ATP2A3: variants seen among roughly 807,000 people sequenced by gnomAD.
ATP2A3 encodes the protein ATPase sarcoplasmic/endoplasmic reticulum Ca2+ transporting 3, also known as sarcoplasmic/endoplasmic reticulum calcium ATPase 3.
A neutral mutation model predicts 106.8 loss-of-function variants in ATP2A3; 61 were observed. The ratio of observed to expected loss-of-function variants is 0.57; its 90% confidence interval spans 0.46 to 0.71. The LOEUF is 0.71. ATP2A3 is among the 30% of genes least tolerant of loss of function. ATP2A3 has a pLI of 0.00. For missense variants in ATP2A3, 1,201 were observed against 1,423.5 expected (o/e 0.84, Z 2.52); for synonymous variants, 611 against 609.3 (o/e 1.00, Z -0.04).
intron 10 of ATP2A3, among the ~76,000 whole-genome samples, chr17:3,943,850 T>G (rs1250495136): frequency 6.6e-6 from 1 of 152,090 alleles, no homozygotes; most frequent in African/African-American, 2.4e-5. Flanking sequence ...TGGGGCCCTT[T>G]GCTGAGCCCC....
intron 1 of ATP2A3, among the ~76,000 whole-genome samples, chr17:3,959,468 G>A (rs982104804): frequency 3.9e-5 from 6 of 152,198 alleles, no homozygotes; most frequent in African/African-American, 1.2e-4. Flanking sequence ...CCAGGGCCCT[G>A]AGCCCACAGT....
At position 3,941,429 on chromosome 17, in the gene ATP2A3, C is replaced by T. The variant is rs773569231; in HGVS notation, c.1764+7G>A. On this transcript the variant is annotated splice_region_variant and intron_variant, in intron 13 of 20. Transcript: ENST00000397041. Reference sequence around the variant, plus strand: ...GTACTGCAGGGAGAATCGGCTCCTGCACCCACCTCGTACTGCACAAACTTG... The same window carrying T: ...GTACTGCAGGGAGAATCGGCTCCTGTACCCACCTCGTACTGCACAAACTTG... The T allele has an allele frequency of 1.9e-6, 3 of 1,613,942 alleles. No homozygotes were observed. The African/African-American group carries it at 4.0e-5, about 22-fold the overall frequency.
chr17:3,932,363 C>T (rs2053155917), intron 17 of ATP2A3, among the ~76,000 whole-genome samples: 1 of 151,968 alleles, frequency 6.6e-6, no homozygotes, highest in South Asian at 2.1e-4. Context: ...AGGCTGGTCT[C>T]GATCTCCTGA....
At chr17:3,945,997 C>T (rs867670516) in intron 8 of ATP2A3, among the ~76,000 whole-genome samples, 2 of 152,350 alleles carry the variant, frequency 1.3e-5, no homozygotes, top group Middle Eastern at 3.4e-3. Flanking sequence ...CCTGTAATCC[C>T]AGCACTTTGG....
Position 3,925,274 on chromosome 17 carries a change from G to A in ATP2A3, c.*148C>T. Reference sequence around the variant, plus strand: ...AGACCCCAGGACGGGGCCCGGGGATGGCCATTCTGACCTCGGGCCTGTCAT... The same window carrying A: ...AGACCCCAGGACGGGGCCCGGGGATAGCCATTCTGACCTCGGGCCTGTCAT... On this transcript the variant is annotated 3_prime_UTR_variant, in exon 21 of 21. Transcript: ENST00000397041. This position sits in a 1 kb window ranked among gnomAD's most constrained non-coding sequence, Gnocchi z 4.2. 7.4e-7 allele frequency: 1 copy of A among 1,354,442 alleles called. No homozygotes were observed. The highest frequency in any genetic ancestry group is 1.9e-5 in the Admixed American group (1 of 52,562). 83.9% of individuals were successfully genotyped at this position (1,354,442 alleles called of 1,614,324 possible).
In ATP2A3 at chr17:3,947,301, C is replaced by T. The variant is rs2054166000; in HGVS notation, c.1095+90G>A. ...CAGCCCACAGATTCTCTCCTCCATC[C>T]CTCACTGAAAAGGAGGTGGGGGAGA... On this transcript the variant is annotated intron_variant, in intron 8 of 20. Transcript: ENST00000397041. The surrounding 1 kb of genome is among the most constrained non-coding windows in gnomAD (Gnocchi z 7.7). The T allele has an allele frequency of 6.8e-7, 1 of 1,461,910 alleles. No individual in the cohort carries two copies. The highest frequency in any genetic ancestry group is 9.5e-7 in the Non-Finnish European group (1 of 1,052,916). The allele number at this position is 1,461,910 out of a possible 1,614,324, so 90.6% of individuals were successfully genotyped here.
intron 17 of ATP2A3, among the ~76,000 whole-genome samples, chr17:3,933,004 G>A (rs1213358599): frequency 1.1e-4 from 17 of 151,764 alleles, no homozygotes; most frequent in East Asian, 1.9e-4. Flanking sequence ...TGTTTCGGCC[G>A]GGCACGGTGG....
At chr17:3,942,561 T>A (rs759289838) in intron 12 of ATP2A3, 45 bp downstream of exon 12, 11 of 1,598,002 alleles carry the variant, frequency 6.9e-6, no homozygotes. Flanking sequence ...ATGACCAGGT[T>A]CCCCAGGGCG....
rs2055306114 is a variant in ATP2A3, at chr17:3,964,184, G to A, written c.108C>T (p.Tyr36=). 2 of 1,232,792 alleles carry A rather than the reference G, an allele frequency of 1.6e-6. No homozygotes were observed. Among genetic ancestry groups the A allele is most frequent in the Non-Finnish European group, 2.0e-6 (2 of 977,340 alleles). 76.4% of individuals were successfully genotyped at this position (1,232,792 alleles called of 1,614,324 possible). ...GGCCCGCGCGCTCACCGTTGGGGCC[G>A]TAGCGCTCCCGCGCGCCGGTCACCT... The part of the protein sequence containing the change: ...PAQVTGARER[Y]GPNELPSEEG... Residue 36 remains tyrosine, a synonymous_variant, in exon 1 of 21, where the codon TAC becomes TAT. Transcript: ENST00000397041.
Position 3,956,038 on chromosome 17 carries a change from C to G in ATP2A3, c.119-2328G>C, listed in dbSNP as rs555202328. ...CTGGAATTACCGGTGCCTGCCACCACGCCCAGCTAATTTTTGTATTTTCAG... is the reference window on the plus strand; with the variant it reads ...CTGGAATTACCGGTGCCTGCCACCAGGCCCAGCTAATTTTTGTATTTTCAG... On this transcript the variant is annotated intron_variant, in intron 1 of 20. Transcript: ENST00000397041. 8.9e-4 allele frequency among the ~76,000 whole-genome samples: 136 copies of G among 152,246 alleles called. 2 individuals are homozygous for G. The highest frequency in any genetic ancestry group is 1.0e-4 in the Non-Finnish European group (7 of 68,020).
chr17:3,943,733 C>T (rs2053919713), intron 10 of ATP2A3, among the ~76,000 whole-genome samples: 1 of 152,164 alleles, frequency 6.6e-6, no homozygotes, highest in Non-Finnish European at 1.5e-5. Flanking sequence ...GCATTGATCG[C>T]CACACACCGT....
chr17:3,935,466 C>G (rs2053384493), intron 16 of ATP2A3, among the ~76,000 whole-genome samples, 189 bp from the exon 17 acceptor site: 2 of 151,922 alleles, frequency 1.3e-5, no homozygotes, highest in Admixed American at 6.6e-5. Context: ...TCTGCCATAC[C>G]CTTGGCCCCA....
Position 3,924,736 on chromosome 17 carries a change from C to T in ATP2A3, c.*686G>A. On this transcript the variant is annotated 3_prime_UTR_variant, in exon 21 of 21. Coordinates refer to ENST00000397041, the MANE Select transcript of ATP2A3 (RefSeq NM_005173.4). The surrounding 1 kb of genome is among the most constrained non-coding windows in gnomAD (Gnocchi z 6.4). ...TCCCGACTTGTCTCCCGGGAAAGGA[C>T]ATCCTCGCTCCGCCCTCCTGCCGGC... 4 of 456,576 alleles carry T rather than the reference C, an allele frequency of 8.8e-6. No individual in the cohort carries two copies. The highest frequency in any genetic ancestry group is 6.2e-5 in the South Asian group (4 of 64,562). The allele number at this position is 456,576 out of a possible 1,614,324, so 28.3% of individuals were successfully genotyped here.
intron 10 of ATP2A3, among the ~76,000 whole-genome samples, chr17:3,944,201 A>G (rs147760076): frequency 5.6e-4 from 86 of 152,236 alleles, no homozygotes; most frequent in African/African-American, 2.0e-3. Context: ...TCTTCTGTAA[A>G]TGCACATCTG....
At position 3,928,675 on chromosome 17, in the gene ATP2A3, T is replaced by C; in HGVS notation, c.2968A>G (p.Asn990Asp). 6.4e-7 allele frequency: 1 copy of C among 1,550,808 alleles called. No homozygotes were observed. Among genetic ancestry groups the C allele is most frequent in the Non-Finnish European group, 8.7e-7 (1 of 1,146,870 alleles). ...GCCTCCCACTCACCGTGCATGTGGT[T>C]CCGGGACAGGTACTTGAGGGCCTCA... is the stretch of plus-strand genomic sequence containing the variant. ...LDEALKYLSR[N>D]HMHEEMSQK is the part of the protein sequence containing the mutation. Residue 990 changes from asparagine (N) to aspartate (D), a missense_variant, in exon 20 of 21, where the codon AAC (asparagine) becomes GAC (aspartate). By Grantham distance (23) the Asn-to-Asp change is conservative. Transcript: ENST00000397041. This position sits in a 1 kb window ranked among gnomAD's most constrained non-coding sequence, Gnocchi z 6.1.
chr17:3,929,589 G>A lies in ATP2A3; in HGVS notation c.2745-144C>T. ...CCTGCCAGGGCCTGTCCCGGGCTGG[G>A]ACCCCTTTCTCTGCCCCTCAGACCT... On this transcript the variant is annotated intron_variant, in intron 18 of 20. Transcript: ENST00000397041. The surrounding 1 kb of genome is among the most constrained non-coding windows in gnomAD (Gnocchi z 4.3). 1 of 703,178 alleles carries A rather than the reference G, an allele frequency of 1.4e-6. No homozygotes were observed. The allele number at this position is 703,178 out of a possible 1,614,324, so 43.6% of individuals were successfully genotyped here.
intron 7 of ATP2A3, among the ~76,000 whole-genome samples, chr17:3,949,847 C>A (rs2054315199): frequency 6.6e-6 from 1 of 152,090 alleles, no homozygotes; most frequent in Non-Finnish European, 1.5e-5. Flanking sequence ...AGGTTCTTCC[C>A]CGTAGGACTT....
Position 3,928,519 on chromosome 17 carries a change from C to A in ATP2A3, c.2980+144G>T. 1.0e-6 allele frequency: 1 copy of A among 965,614 alleles called. No homozygotes were observed. Among genetic ancestry groups the A allele is most frequent in the African/African-American group, 1.6e-5 (1 of 61,952 alleles). The allele number at this position is 965,614 out of a possible 1,614,324, so 59.8% of individuals were successfully genotyped here. A position where few individuals can be genotyped will look rare whatever the true frequency, so the allele number is the denominator to read the frequency against. On this transcript the variant is annotated intron_variant, in intron 20 of 20. Coordinates refer to ENST00000397041, the MANE Select transcript of ATP2A3 (RefSeq NM_005173.4). This position sits in a 1 kb window ranked among gnomAD's most constrained non-coding sequence, Gnocchi z 6.1. ...GGACCCAGCCACCAGAGCCCCTTCA[C>A]ACCCTCCACTTGGTGATCCGAGAAC...
Position 3,951,591 on chromosome 17 carries a change from C to A in ATP2A3, c.314G>T (p.Gly105Val), listed in dbSNP as rs1469503201. The A allele has an allele frequency of 6.2e-7, 1 of 1,604,188 alleles. No individual in the cohort carries two copies. Among genetic ancestry groups the A allele is most frequent in the Non-Finnish European group, 8.5e-7 (1 of 1,176,232 alleles). ...CCCAGTGCCTCCCACCTGCCACACG[C>A]CCACAATGGCGTTGGCCACGAGGAT... ...MLILVANAIV[G>V]VWQERNAESA... is the part of the protein sequence containing the mutation. Residue 105 changes from glycine to valine, a missense_variant, in exon 4 of 21, where the codon GGC (glycine) becomes GTC (valine). Coordinates refer to ENST00000397041, the MANE Select transcript of ATP2A3 (RefSeq NM_005173.4).
Sources: allele counts gnomAD v4.1 joint callset (sites outside exome capture counted in the v4.1 genomes callset), GRCh38; gene constraint gnomAD v4.1.1; non-coding constraint Gnocchi (gnomAD v3.1); transcripts MANE v1.5; gene names NCBI Gene and HGNC (gene_info 2026-07-23, HGNC 2026-07-21).